NLGN1: variants seen among roughly 807,000 people sequenced by gnomAD.
NLGN1 encodes the protein neuroligin 1.
NLGN1 carries 12 observed loss-of-function variants against 65.5 expected under a neutral mutation model. The observed-to-expected ratio is 0.18, with a 90% CI of 0.12 to 0.30. The LOEUF (loss-of-function observed/expected upper bound fraction) is 0.30, where lower values mean the gene tolerates loss of function less well. NLGN1 is among the 10% of genes least tolerant of loss of function. NLGN1 has a pLI of 1.00. For synonymous variants in NLGN1, 350 were observed against 359.5 expected (o/e 0.97, Z 0.30); for missense variants, 750 against 1,007.1 (o/e 0.74, Z 3.46).
intron 4 of NLGN1, among the ~76,000 whole-genome samples, chr3:174,035,758 C>A (rs1187522722): frequency 6.6e-6 from 1 of 152,138 alleles, no homozygotes; most frequent in Non-Finnish European, 1.5e-5. Flanking sequence ...AGCCAGTGAT[C>A]CGCAATTCCA....
chr3:174,181,240 T>C (rs1577242947), intron 4 of NLGN1, among the ~76,000 whole-genome samples: 1 of 152,314 alleles, frequency 6.6e-6, no homozygotes, highest in Middle Eastern at 3.4e-3. Context: ...TCAGGCCTTC[T>C]GTACCTACCT....
chr3:174,172,689 T>C (rs1027065877), intron 4 of NLGN1, among the ~76,000 whole-genome samples: 1 of 152,132 alleles, frequency 6.6e-6, no homozygotes, highest in Non-Finnish European at 1.5e-5. Context: ...GTCTGTTCTA[T>C]GCCAGTACAA....
chr3:174,024,552 A>G (rs1460592361), intron 4 of NLGN1, among the ~76,000 whole-genome samples: 1 of 152,218 alleles, frequency 6.6e-6, no homozygotes, highest in East Asian at 1.9e-4. Flanking sequence ...TTTTGTACAC[A>G]GGACTGTAAT....
chr3:174,198,844 CTTTTTTTT>C (rs56752477), intron 4 of NLGN1, among the ~76,000 whole-genome samples: 1 of 99,862 alleles, frequency 1.0e-5, no homozygotes, highest in Non-Finnish European at 1.9e-5. Flanking sequence ...TGACTAGATT[CTTTTTTTT>C]TTTTTTTTTT....
At chr3:173,757,511 T>A (rs1777321050) in intron 3 of NLGN1, among the ~76,000 whole-genome samples, 1 of 151,968 alleles carries the variant, frequency 6.6e-6, no homozygotes, top group Non-Finnish European at 1.5e-5. Flanking sequence ...ACCTTTAAAA[T>A]GTAGAACATT....
chr3:173,862,505 C>CAAAAA (rs10601211), intron 4 of NLGN1, among the ~76,000 whole-genome samples: 138 of 41,682 alleles, frequency 3.3e-3, no homozygotes, highest in African/African-American at 4.5e-3. Context: ...GACTCCGTCT[C>CAAAAA]AAAAAAAAAA....
chr3:173,691,160 A>G lies in NLGN1; in HGVS notation c.493+86069A>G, dbSNP rs138339066. 2.8e-3 allele frequency among the ~76,000 whole-genome samples: 424 copies of G among 151,896 alleles called. 1 individual carries two copies. Among genetic ancestry groups the G allele is most frequent in the African/African-American group, 9.9e-3 (411 of 41,444 alleles). ...GAACTTGAAATAACATTTAGGGAAT[A>G]CTCCTACTCCTGTCCTTTGCTCATG... On this transcript the variant is annotated intron_variant, in intron 3 of 6. Coordinates refer to ENST00000457714, the Ensembl canonical transcript of NLGN1.
chr3:174,285,397 C>A (rs1215513714), exon 7 of NLGN1: 2 of 151,406 alleles, frequency 1.3e-5, no homozygotes, highest in African/African-American at 2.4e-5. Context: ...CAAATAAATT[C>A]AATTAATGGG....
At chr3:173,472,474 A>T (rs1241967933) in intron 2 of NLGN1, among the ~76,000 whole-genome samples, 1 of 152,104 alleles carries the variant, frequency 6.6e-6, no homozygotes, top group Non-Finnish European at 1.5e-5. Context: ...CAATTTGCAG[A>T]GTTAGAAATT....
At chr3:173,899,167 C>A (rs145662612) in intron 4 of NLGN1, among the ~76,000 whole-genome samples, 49 of 152,066 alleles carry the variant, frequency 3.2e-4, no homozygotes, top group African/African-American at 1.1e-3. Flanking sequence ...ACTGTGGGTT[C>A]TATTATTTTA....
At chr3:173,701,371 A>T (rs1027389611) in intron 3 of NLGN1, among the ~76,000 whole-genome samples, 1 of 152,144 alleles carries the variant, frequency 6.6e-6, no homozygotes, top group Non-Finnish European at 1.5e-5. Flanking sequence ...GAGGTTCAGA[A>T]TCAGAGAAGG....
chr3:174,168,337 C>A (rs925186783), intron 4 of NLGN1, among the ~76,000 whole-genome samples: 1 of 152,162 alleles, frequency 6.6e-6, no homozygotes, highest in African/African-American at 2.4e-5. Context: ...TCCAGAGATG[C>A]TGGCACTTCT....
At chr3:173,861,082 T>A (rs941462979) in intron 4 of NLGN1, among the ~76,000 whole-genome samples, 3 of 152,344 alleles carry the variant, frequency 2.0e-5, no homozygotes, top group Admixed American at 2.0e-4. Flanking sequence ...AAATTTTGGT[T>A]ATCTGTTTTC....
intron 4 of NLGN1, among the ~76,000 whole-genome samples, chr3:174,119,632 G>T (rs1717320317): frequency 6.6e-6 from 1 of 152,090 alleles, no homozygotes; most frequent in African/African-American, 2.4e-5. Flanking sequence ...GTTTCTCCCT[G>T]GAATGACTAC....
chr3:173,820,011 AC>A (rs1356696207), intron 4 of NLGN1, among the ~76,000 whole-genome samples: 1 of 151,890 alleles, frequency 6.6e-6, no homozygotes, highest in Non-Finnish European at 1.5e-5. Context: ...ACACGGTGAA[AC>A]CCCGTCTCTA....
At chr3:174,193,684 T>C (rs1732810611) in intron 4 of NLGN1, among the ~76,000 whole-genome samples, 1 of 152,200 alleles carries the variant, frequency 6.6e-6, no homozygotes, top group Non-Finnish European at 1.5e-5. Context: ...GATGGCCATA[T>C]GGGAAAGCTG....
At chr3:173,928,771 A>T (rs1338330541) in intron 4 of NLGN1, among the ~76,000 whole-genome samples, 1 of 150,798 alleles carries the variant, frequency 6.6e-6, no homozygotes, top group Non-Finnish European at 1.5e-5. Context: ...TCCTGGGTTC[A>T]AGAGATTCTC....
chr3:174,122,499 A>G (rs1011097641), intron 4 of NLGN1, among the ~76,000 whole-genome samples: 1 of 152,192 alleles, frequency 6.6e-6, no homozygotes, highest in Non-Finnish European at 1.5e-5. Context: ...GTCTTTTATT[A>G]TCTTCTACCT....
At chr3:173,741,681 TG>T (rs1312674740) in intron 3 of NLGN1, among the ~76,000 whole-genome samples, 2 of 151,892 alleles carry the variant, frequency 1.3e-5, no homozygotes, top group African/African-American at 4.8e-5. Context: ...CTAATAGAGA[TG>T]GGGTTTCACC....
Sources: allele counts gnomAD v4.1 joint callset (sites outside exome capture counted in the v4.1 genomes callset), GRCh38; gene constraint gnomAD v4.1.1; transcripts MANE v1.5; gene names NCBI Gene and HGNC (gene_info 2026-07-23, HGNC 2026-07-21).